Variants in SLC22A15 observed in about 807,000 individuals in gnomAD.
The protein encoded by SLC22A15 is solute carrier family 22 member 15.
Under a neutral mutation model 62.7 loss-of-function variants are expected in SLC22A15, and 45 were observed. The observed-to-expected ratio is 0.72, with a 90% CI of 0.56 to 0.92. SLC22A15 has a LOEUF of 0.92. Among genes scored for constraint, SLC22A15 ranks in the 40% least tolerant of loss-of-function variants. The probability of loss-of-function intolerance (pLI) is 0.00; values close to 1 mark genes in which losing one functional copy is unlikely to be tolerated. For missense variants in SLC22A15, 622 were observed against 665.6 expected (o/e 0.93, Z 0.72); for synonymous variants, 264 against 267.0 (o/e 0.99, Z 0.11).
chr1:116,042,790 A>G lies in SLC22A15; in HGVS notation c.1171+5402A>G, dbSNP rs541864802. On this transcript the variant is annotated intron_variant, in intron 8 of 11. Transcript: ENST00000369503. ...CTTTCTCAATGATTGATAAAAAGGT[A>G]AACAGAAAATATAGACTTGAACAAC... 8.7e-4 allele frequency among the ~76,000 whole-genome samples: 132 copies of G among 152,328 alleles called. 1 individual carries two copies. Among genetic ancestry groups the G allele is most frequent in the Middle Eastern group, 3.4e-3 (1 of 294 alleles).
chr1:116,026,746 T>TC, intron 4 of SLC22A15, 147 bp from the exon 5 acceptor site: 4 of 809,946 alleles, frequency 4.9e-6, no homozygotes, highest in Non-Finnish European at 5.7e-6. Flanking sequence ...TTAGTGTAGA[T>TC]TTTTTTTTCT....
intron 2 of SLC22A15, among the ~76,000 whole-genome samples, chr1:115,998,328 T>G (rs1196203498): frequency 6.6e-6 from 1 of 152,106 alleles, no homozygotes; most frequent in African/African-American, 2.4e-5. Context: ...ATCAGCTCTC[T>G]TCCTCTATTT....
intron 8 of SLC22A15, among the ~76,000 whole-genome samples, chr1:116,060,228 C>T (rs1048242553): frequency 2.0e-5 from 3 of 152,202 alleles, no homozygotes; most frequent in African/African-American, 7.2e-5. Flanking sequence ...CTGAAATGGA[C>T]ATGGGCTATT....
At chr1:116,064,389 AT>A in intron 9 of SLC22A15, 46 bp from the exon 10 acceptor site, 1 of 1,453,996 alleles carries the variant, frequency 6.9e-7, no homozygotes. Flanking sequence ...GGGTCTCTTA[AT>A]TCCTCCGCTA....
At chr1:116,052,704 C>T (rs540420136) in intron 8 of SLC22A15, among the ~76,000 whole-genome samples, 89 of 152,174 alleles carry the variant, frequency 5.8e-4, no homozygotes, top group Non-Finnish European at 1.1e-3. Context: ...TCCTCTGAGA[C>T]AAAACTTCCA....
Position 116,020,908 on chromosome 1 carries a change from C to T in SLC22A15, c.598+23C>T, listed in dbSNP as rs571248412. The T allele has an allele frequency of 4.4e-6, 7 of 1,586,602 alleles. No homozygotes were observed. The South Asian group carries it at 8.1e-5, about 18-fold the overall frequency. On this transcript the variant is annotated intron_variant, in intron 4 of 11. Transcript: ENST00000369503. ...CAGGTACTACTTAAATCATGCAGCT[C>T]TGGACTGGGTGAGCAGCTCCAGAAA...
intron 2 of SLC22A15, among the ~76,000 whole-genome samples, chr1:116,003,001 C>G (rs1054373479): frequency 1.3e-5 from 2 of 152,174 alleles, no homozygotes; most frequent in Non-Finnish European, 2.9e-5. Context: ...CTTATGGTGA[C>G]TGCTGCCTGG....
At chr1:115,984,858 A>G (rs78319817) in intron 1 of SLC22A15, among the ~76,000 whole-genome samples, 8,360 of 152,218 alleles carry the variant, frequency 0.055, 800 homozygotes, top group African/African-American at 0.19. Context: ...ATTTTTAAAA[A>G]TAGAAAAAAG....
At chr1:116,015,686 G>T (rs1656488389) in intron 2 of SLC22A15, among the ~76,000 whole-genome samples, 1 of 152,200 alleles carries the variant, frequency 6.6e-6, no homozygotes, top group Non-Finnish European at 1.5e-5. Flanking sequence ...AACTTGAGGT[G>T]CAGGTTAATG....
chr1:116,026,492 A>T (rs1657097210), intron 4 of SLC22A15, among the ~76,000 whole-genome samples: 2 of 152,126 alleles, frequency 1.3e-5, no homozygotes, highest in African/African-American at 4.8e-5. Context: ...TGTGTGATAA[A>T]GATTAAGTTT....
intron 10 of SLC22A15, among the ~76,000 whole-genome samples, chr1:116,065,324 C>T (rs1658471553): frequency 6.6e-6 from 1 of 152,108 alleles, no homozygotes; most frequent in Non-Finnish European, 1.5e-5. Context: ...TATCTCTCTC[C>T]ATGTCTCATG....
chr1:116,023,208 C>T (rs578148678), intron 4 of SLC22A15, among the ~76,000 whole-genome samples: 1 of 152,074 alleles, frequency 6.6e-6, no homozygotes, highest in African/African-American at 2.4e-5. Context: ...AACACAAGTA[C>T]GAACTGCAAG....
intron 2 of SLC22A15, chr1:116,014,008 T>C (rs1233232760): frequency 1.3e-5 from 2 of 152,246 alleles, no homozygotes; most frequent in Admixed American, 6.5e-5. Flanking sequence ...GTTCTCTGTA[T>C]TGCAGCTAAA....
chr1:116,004,170 C>T (rs1655864968), intron 2 of SLC22A15, among the ~76,000 whole-genome samples: 1 of 152,196 alleles, frequency 6.6e-6, no homozygotes, highest in Non-Finnish European at 1.5e-5. Flanking sequence ...TCTCCCATCT[C>T]TTTGGCTGCA....
chr1:116,044,822 A>G (rs1323492602), intron 8 of SLC22A15, among the ~76,000 whole-genome samples: 1 of 152,220 alleles, frequency 6.6e-6, no homozygotes, highest in Middle Eastern at 3.2e-3. Context: ...AAATATGTAT[A>G]TGACTACAAA....
intron 8 of SLC22A15, among the ~76,000 whole-genome samples, chr1:116,043,513 T>C (rs1043444088): frequency 6.6e-6 from 1 of 151,924 alleles, no homozygotes; most frequent in Non-Finnish European, 1.5e-5. Context: ...CTTTTAAGTA[T>C]CAGAAAAAAA....
chr1:115,978,058 G>GTATTTAA (rs1654403429), intron 1 of SLC22A15, among the ~76,000 whole-genome samples: 1 of 152,162 alleles, frequency 6.6e-6, no homozygotes, highest in South Asian at 2.1e-4. Context: ...AATGATAAGA[G>GTATTTAA]TATTTAATAC....
rs1270249846 is a variant in SLC22A15, at chr1:116,026,918, A to G, written c.624A>G (p.Ala208=). The change falls in exon 5 of 12, where the codon GCA becomes GCG. Residue 208 remains alanine (A), a synonymous_variant. Transcript: ENST00000369503. ...LAGSIGGLFF[A]VGIAQYALLG... ...GATCGATTGGCGGCCTGTTCTTTGC[A>G]GTTGGCATTGCCCAATATGCCCTGT... The G allele has an allele frequency of 6.2e-7, 1 of 1,613,616 alleles. No individual in the cohort carries two copies. Among genetic ancestry groups the G allele is most frequent in the South Asian group, 1.1e-5 (1 of 91,056 alleles).
intron 6 of SLC22A15, 107 bp from the exon 7 acceptor site, chr1:116,035,080 A>G: frequency 2.5e-6 from 3 of 1,188,132 alleles, no homozygotes; most frequent in Non-Finnish European, 2.4e-6. Flanking sequence ...CAGCAGATCA[A>G]GCAATTATAT....
Sources: allele counts gnomAD v4.1 joint callset (sites outside exome capture counted in the v4.1 genomes callset), GRCh38; gene constraint gnomAD v4.1.1; transcripts MANE v1.5; gene names NCBI Gene and HGNC (gene_info 2026-07-23, HGNC 2026-07-21).